Variants in SCMH1 observed in about 807,000 individuals in gnomAD.
SCMH1 encodes the protein polycomb protein SCMH1.
A neutral mutation model predicts 70.8 loss-of-function variants in SCMH1; 37 were observed. The observed-to-expected ratio is 0.52, with a 90% CI of 0.40 to 0.69. The LOEUF (loss-of-function observed/expected upper bound fraction) is 0.69, where lower values mean the gene tolerates loss of function less well. SCMH1 is among the 30% of genes least tolerant of loss of function. SCMH1 has a pLI of 0.00. For missense variants in SCMH1, 607 were observed against 827.3 expected (o/e 0.73, Z 3.27); for synonymous variants, 292 against 307.4 (o/e 0.95, Z 0.52).
chr1:41,167,013 T>A (rs1296005184), intron 2 of SCMH1, among the ~76,000 whole-genome samples: 1 of 152,098 alleles, frequency 6.6e-6, no homozygotes, highest in Non-Finnish European at 1.5e-5. Flanking sequence ...TTGAGGAACA[T>A]TCCTTCCATA....
chr1:41,074,816 A>G (rs1378407120), intron 9 of SCMH1, among the ~76,000 whole-genome samples: 1 of 152,194 alleles, frequency 6.6e-6, no homozygotes, highest in Non-Finnish European at 1.5e-5. Context: ...AGAGGGCCAG[A>G]TGTGCCCCTT....
intron 1 of SCMH1, among the ~76,000 whole-genome samples, chr1:41,209,153 A>C (rs572638082): frequency 6.6e-6 from 1 of 152,218 alleles, no homozygotes; most frequent in Non-Finnish European, 1.5e-5. Context: ...ACACCCTCCC[A>C]AGACTAAACC....
At chr1:41,092,908 C>T (rs537395314) in intron 8 of SCMH1, among the ~76,000 whole-genome samples, 4 of 152,312 alleles carry the variant, frequency 2.6e-5, no homozygotes, top group African/African-American at 9.6e-5. Context: ...AATAGGAATG[C>T]TTTTACACTA....
At chr1:41,031,639 G>A (rs904144652) in intron 13 of SCMH1, among the ~76,000 whole-genome samples, 3 of 152,172 alleles carry the variant, frequency 2.0e-5, no homozygotes, top group African/African-American at 7.2e-5. Flanking sequence ...GGCTCTGTGA[G>A]CCAGTCACTT....
chr1:41,108,526 A>C (rs1668547957), intron 8 of SCMH1, among the ~76,000 whole-genome samples: 1 of 152,248 alleles, frequency 6.6e-6, no homozygotes, highest in Non-Finnish European at 1.5e-5. Context: ...AAGTCACAAA[A>C]AATAAGCTAA....
At chr1:41,179,315 G>GC (rs202076026) in intron 2 of SCMH1, among the ~76,000 whole-genome samples, 22,744 of 152,042 alleles carry the variant, frequency 0.15, 2,200 homozygotes, top group Non-Finnish European at 0.21. Context: ...ACTAGAGAAA[G>GC]CAAGAGCAAA....
At chr1:41,220,387 A>C (rs767762482) in intron 1 of SCMH1, among the ~76,000 whole-genome samples, 3 of 152,252 alleles carry the variant, frequency 2.0e-5, no homozygotes, top group Non-Finnish European at 4.4e-5. Flanking sequence ...ATGTTATGTG[A>C]ACTAAGCCCT....
intron 6 of SCMH1, among the ~76,000 whole-genome samples, chr1:41,141,221 A>C (rs1360083609): frequency 2.6e-5 from 4 of 152,256 alleles, no homozygotes; most frequent in Non-Finnish European, 5.9e-5. Context: ...GATTTAAATC[A>C]GGGGCAGCAA....
chr1:41,198,409 C>G (rs936138833), intron 1 of SCMH1, among the ~76,000 whole-genome samples: 2 of 152,184 alleles, frequency 1.3e-5, no homozygotes, highest in African/African-American at 4.8e-5. Flanking sequence ...CAGGAGTCCA[C>G]CCTCTGTGAG....
chr1:41,028,157 C>T (rs909261281), exon 15 of SCMH1: 8 of 1,613,052 alleles, frequency 5.0e-6, no homozygotes, highest in Non-Finnish European at 6.8e-6. Flanking sequence ...ATGCCCCCAC[C>T]TGCTGCCACT....
At chr1:41,193,100 C>T (rs1250721391) in intron 1 of SCMH1, among the ~76,000 whole-genome samples, 1 of 152,230 alleles carries the variant, frequency 6.6e-6, no homozygotes, top group Non-Finnish European at 1.5e-5. Flanking sequence ...TTGCCAACTA[C>T]TAACCTAGAG....
intron 10 of SCMH1, among the ~76,000 whole-genome samples, chr1:41,050,619 A>T (rs1647752174): frequency 6.6e-6 from 1 of 152,250 alleles, no homozygotes; most frequent in African/African-American, 2.4e-5. Context: ...GAATTGAACG[A>T]ATACATTTAA....
At chr1:41,198,726 G>T (rs1359474918) in intron 1 of SCMH1, among the ~76,000 whole-genome samples, 1 of 152,180 alleles carries the variant, frequency 6.6e-6, no homozygotes, top group Non-Finnish European at 1.5e-5. Flanking sequence ...CATTAAAAGT[G>T]CAAGAAATAA....
At chr1:41,077,892 C>G (rs577013225) in intron 8 of SCMH1, among the ~76,000 whole-genome samples, 1 of 152,008 alleles carries the variant, frequency 6.6e-6, no homozygotes, top group Admixed American at 6.6e-5. Context: ...AGAGTCAAAA[C>G]AGTGTGATCA....
chr1:41,080,548 A>T (rs997547041), intron 8 of SCMH1, among the ~76,000 whole-genome samples: 3 of 152,174 alleles, frequency 2.0e-5, no homozygotes, highest in Non-Finnish European at 4.4e-5. Context: ...TATATATATC[A>T]TATCATAACA....
intron 2 of SCMH1, among the ~76,000 whole-genome samples, chr1:41,164,386 T>C (rs1247358171): frequency 6.6e-6 from 1 of 152,124 alleles, no homozygotes; most frequent in Non-Finnish European, 1.5e-5. Flanking sequence ...ATTCGTATCT[T>C]TCTCTCTCTC....
At chr1:41,089,268 A>G (rs1404865021) in intron 8 of SCMH1, among the ~76,000 whole-genome samples, 1 of 152,214 alleles carries the variant, frequency 6.6e-6, no homozygotes, top group Non-Finnish European at 1.5e-5. Context: ...CATTCTAAGC[A>G]TAGTATATCT....
At chr1:41,085,875 CT>C (rs1188405019) in intron 8 of SCMH1, among the ~76,000 whole-genome samples, 1 of 106,666 alleles carries the variant, frequency 9.4e-6, no homozygotes, top group Non-Finnish European at 1.8e-5. Context: ...GAGTCTTGCT[CT>C]GTTGCCCAGG....
exon 13 of SCMH1, chr1:41,037,407 G>A: frequency 1.2e-6 from 2 of 1,614,232 alleles, no homozygotes; most frequent in Non-Finnish European, 1.7e-6. Flanking sequence ...CTTGGTGGGA[G>A]GCCACAGGAT....
Sources: gnomAD v4.1 joint callset for allele counts (sites outside exome capture counted in the v4.1 genomes callset) on GRCh38, gnomAD v4.1.1 for gene constraint, MANE v1.5 for transcripts, NCBI Gene and HGNC (gene_info 2026-07-23, HGNC 2026-07-21) for gene names.